Variants in EHMT2 observed in about 807,000 individuals in gnomAD.
EHMT2 encodes the protein euchromatic histone lysine methyltransferase 2, also known as histone-lysine N-methyltransferase EHMT2.
Under a neutral mutation model 143.3 loss-of-function variants are expected in EHMT2, and 59 were observed. That is an observed-to-expected ratio of 0.41 (90% CI 0.33 to 0.51). The LOEUF (loss-of-function observed/expected upper bound fraction) is 0.51. Ranked by LOEUF, EHMT2 falls within the 20% of genes least tolerant of loss-of-function variation. EHMT2 has a pLI of 0.18. For synonymous variants in EHMT2, 604 were observed against 651.5 expected (o/e 0.93, Z 1.11); for missense variants, 1,174 against 1,645.9 (o/e 0.71, Z 4.96).
In EHMT2 at chr6:31,881,228, G is replaced by A. The variant is rs1764062308; in HGVS notation, c.3198-136C>T. 2 of 771,418 alleles carry A rather than the reference G, an allele frequency of 2.6e-6. No homozygotes were observed. The highest frequency in any genetic ancestry group is 4.5e-6 in the Non-Finnish European group (2 of 443,118). 47.8% of individuals were successfully genotyped at this position (771,418 alleles called of 1,614,324 possible). A position where few individuals can be genotyped will look rare whatever the true frequency, so the allele number is the denominator to read the frequency against. ...AGGTGTGGGGAAGGGAAGGCCTGGA[G>A]CAGCAGTGGTGGGCAAGTGAAAGGG... On this transcript the variant is annotated intron_variant, in intron 25 of 27. Transcript: ENST00000375537. The surrounding 1 kb of genome is among the most constrained non-coding windows in gnomAD (Gnocchi z 4.8).
rs368743026 is a variant in EHMT2, at chr6:31,880,513, T to A, written c.3452+160A>T. 2.4e-5 allele frequency: 22 copies of A among 902,586 alleles called. No homozygotes were observed. Among genetic ancestry groups the A allele is most frequent in the African/African-American group, 2.2e-4 (13 of 59,434 alleles). 55.9% of individuals were successfully genotyped at this position (902,586 alleles called of 1,614,324 possible). On this transcript the variant is annotated intron_variant, in intron 27 of 27. Coordinates refer to ENST00000375537, the Ensembl canonical transcript of EHMT2. The surrounding 1 kb of genome is among the most constrained non-coding windows in gnomAD (Gnocchi z 6.6). ...AAAATCTCTCTGGGAGGCACAGGAC[T>A]GTTTCCCCAAGTCCTCCAGGAAATA... is the stretch of plus-strand genomic sequence containing the variant.
intron 4 of EHMT2, 108 bp downstream of exon 4, chr6:31,896,155 T>C: frequency 6.8e-7 from 1 of 1,471,224 alleles, no homozygotes; most frequent in Non-Finnish European, 9.1e-7. Flanking sequence ...CAGCAGCCCC[T>C]TGCTTAAATA....
chr6:31,887,995 A>C, intron 13 of EHMT2, 34 bp from the exon 14 acceptor site: 3 of 1,420,446 alleles, frequency 2.1e-6, no homozygotes, highest in Non-Finnish European at 2.9e-6. Context: ...CAGGAGCAAT[A>C]GGGGTGGGGG....
intron 4 of EHMT2, among the ~76,000 whole-genome samples, chr6:31,895,149 G>A (rs1037701177): frequency 2.0e-5 from 3 of 152,338 alleles, no homozygotes; most frequent in African/African-American, 4.8e-5. Context: ...CAGGCTCAGC[G>A]AGAAGTCAGC....
Position 31,885,252 on chromosome 6 carries a change from C to A in EHMT2, c.2344-236G>T, listed in dbSNP as rs527726505. On this transcript the variant is annotated intron_variant, in intron 18 of 27. Coordinates refer to ENST00000375537, the Ensembl canonical transcript of EHMT2. ...CAGCACTTTGGGAGGCCGAGGCGGG[C>A]GGATCACGAGGTCAGGAGATGGAGG... 341 of 448,600 alleles carry A rather than the reference C, an allele frequency of 7.6e-4. 4 individuals are homozygous for A. Among genetic ancestry groups the A allele is most frequent in the African/African-American group, 5.9e-3 (293 of 49,942 alleles). The allele number at this position is 448,600 out of a possible 1,614,324, so 27.8% of individuals were successfully genotyped here.
chr6:31,887,848 G>A, exon 14 of EHMT2: 1 of 1,610,932 alleles, frequency 6.2e-7, no homozygotes, highest in Non-Finnish European at 8.5e-7. Context: ...CAGCCCCACG[G>A]CTGAAAGGCA....
chr6:31,890,040 G>A (rs1287473214), intron 7 of EHMT2, among the ~76,000 whole-genome samples: 1 of 152,108 alleles, frequency 6.6e-6, no homozygotes. Flanking sequence ...CAGATTAGAT[G>A]TTCCATGCAT....
At chr6:31,892,965 G>A in intron 4 of EHMT2, 55 bp from the exon 5 acceptor site, 1 of 1,288,876 alleles carries the variant, frequency 7.8e-7, no homozygotes, top group Non-Finnish European at 1.1e-6. Context: ...AGTTTTGCCT[G>A]GGTTAGCCTG....
intron 18 of EHMT2, chr6:31,886,251 C>T: frequency 3.0e-6 from 1 of 329,160 alleles, no homozygotes. Context: ...GGGGCTTCTT[C>T]TGGACAATGA....
rs1164115036 is a variant in EHMT2 at position 31,889,314 on chromosome 6, T to C, written c.1028A>G (p.Lys343Arg). The C allele has an allele frequency of 5.6e-6, 9 of 1,612,204 alleles. No individual in the cohort carries two copies. In the Admixed American group the frequency reaches 6.7e-5, roughly 12 times the overall value. The change falls in exon 9 of 28, where the codon AAG becomes AGG. Residue 343 changes from lysine to arginine, a missense_variant. Coordinates refer to ENST00000375537, the Ensembl canonical transcript of EHMT2. This position sits in a 1 kb window ranked among gnomAD's most constrained non-coding sequence, Gnocchi z 5.1. ...TGGGCTGTCTTTTCGCCATTTCTTC[T>C]TGGCCTTGCGCCGGCCACTGGAACC... is the stretch of plus-strand genomic sequence containing the variant.
At position 31,881,961 on chromosome 6, in the gene EHMT2, C is replaced by T. The variant is rs373805645; in HGVS notation, c.3197+738G>A. On this transcript the variant is annotated intron_variant, in intron 25 of 27. Transcript: ENST00000375537. This position sits in a 1 kb window ranked among gnomAD's most constrained non-coding sequence, Gnocchi z 4.8. The stretch of plus-strand genomic sequence containing the variant: ...TCTACTAAAAATACAAAAAATTAGC[C>T]GGGTGTGGTGGTGCGCACCTGTAAT... Among the ~76,000 whole-genome samples, 7 of 151,800 alleles carry T rather than the reference C, an allele frequency of 4.6e-5. No homozygotes were observed. The highest frequency in any genetic ancestry group is 3.3e-4 in the Admixed American group (5 of 15,236).
intron 7 of EHMT2, among the ~76,000 whole-genome samples, chr6:31,890,429 G>A (rs908264515): frequency 2.6e-5 from 4 of 151,732 alleles, no homozygotes; most frequent in Non-Finnish European, 4.4e-5. Flanking sequence ...GCTAATTTTC[G>A]TATTTTTATT....
Position 31,896,843 on chromosome 6 carries a change from A to G in EHMT2, c.110-19T>C, listed in dbSNP as rs775882332. The stretch of plus-strand genomic sequence containing the variant: ...CCATGAACTGTAGAGGAAGAGAAAA[A>G]GTTCAGAGCTAAGGGCTCAGGAGAT... On this transcript the variant is annotated intron_variant, in intron 2 of 27. Coordinates refer to ENST00000375537, the Ensembl canonical transcript of EHMT2. 6.2e-7 allele frequency: 1 copy of G among 1,612,626 alleles called. No homozygotes were observed. Among genetic ancestry groups the G allele is most frequent in the Non-Finnish European group, 8.5e-7 (1 of 1,179,968 alleles).
At chr6:31,892,528 T>C in exon 7 of EHMT2, 1 of 1,612,796 alleles carries the variant, frequency 6.2e-7, no homozygotes, top group Non-Finnish European at 8.5e-7. Context: ...CAGGGTCACT[T>C]CTCCTGAACG....
At position 31,888,838 on chromosome 6, in the gene EHMT2, CCCG is replaced by C. The variant is rs1765276411; in HGVS notation, c.1217-94_1217-92del. The C allele has an allele frequency of 6.5e-7, 1 of 1,529,296 alleles. No homozygotes were observed. The highest frequency in any genetic ancestry group is 1.4e-5 in the African/African-American group (1 of 73,262). 94.7% of individuals were successfully genotyped at this position (1,529,296 alleles called of 1,614,324 possible). Reference sequence around the variant, plus strand: ...TCCTCTCACTCCCTCCCTACCCCACCCCGCCATGCCCCAGAACCCCTAAAGCCT... The same window carrying C: ...TCCTCTCACTCCCTCCCTACCCCACCCCATGCCCCAGAACCCCTAAAGCCT... On this transcript the variant is annotated intron_variant, in intron 10 of 27. Transcript: ENST00000375537. The surrounding 1 kb of genome is among the most constrained non-coding windows in gnomAD (Gnocchi z 7.4).
At position 31,884,878 on chromosome 6, in the gene EHMT2, G is replaced by C. The variant is rs1248676675; in HGVS notation, c.2448+34C>G. ...CAGCCTCCACCTTGCTCAGGGGCCT[G>C]GGGCTGCCCTACCTCAACCAAACGC... On this transcript the variant is annotated intron_variant, in intron 19 of 27. Transcript: ENST00000375537. This position sits in a 1 kb window ranked among gnomAD's most constrained non-coding sequence, Gnocchi z 7.3. The C allele has an allele frequency of 6.3e-7, 1 of 1,587,910 alleles. No homozygotes were observed. The highest frequency in any genetic ancestry group is 1.1e-5 in the South Asian group (1 of 89,644).
intron 7 of EHMT2, among the ~76,000 whole-genome samples, chr6:31,891,476 C>G (rs1259313073): frequency 6.6e-6 from 1 of 152,108 alleles, no homozygotes; most frequent in Non-Finnish European, 1.5e-5. Flanking sequence ...GATATGAGGT[C>G]TGGGATTTGC....
At position 31,897,300 on chromosome 6, in the gene EHMT2, C is replaced by A. The variant is rs1460336227; in HGVS notation, c.43-311G>T. The A allele has an allele frequency of 1.0e-5, 7 of 694,854 alleles. No homozygotes were observed. The East Asian group carries it at 2.4e-4, about 24-fold the overall frequency. 43.0% of individuals were successfully genotyped at this position (694,854 alleles called of 1,614,324 possible). A position where few individuals can be genotyped will look rare whatever the true frequency, so the allele number is the denominator to read the frequency against. On this transcript the variant is annotated intron_variant, in intron 1 of 27. Transcript: ENST00000375537. ...TGCACGCGCCGCTCCCCCTTTGTCCCCCAGGCCGCGGGGACCCCGGGCACC... is the reference window on the plus strand; with the variant it reads ...TGCACGCGCCGCTCCCCCTTTGTCCACCAGGCCGCGGGGACCCCGGGCACC...
In EHMT2 at chr6:31,884,450, G is replaced by T; in HGVS notation, c.2713C>A (p.Arg905Ser). 3 of 1,612,914 alleles carry T rather than the reference G, an allele frequency of 1.9e-6. No homozygotes were observed. Among genetic ancestry groups the T allele is most frequent in the Non-Finnish European group, 1.7e-6 (2 of 1,180,014 alleles). ...TTTCCCACCCCAAGTCGGAGCTTGC[G>T]GTTGAGTTGAAGCGCAAACCACACG... Residue 905 changes from arginine to serine, a missense_variant, in exon 21 of 28, where the codon CGC becomes AGC. Physicochemically the swap from Arg to Ser is moderately radical, Grantham distance 110. Coordinates refer to ENST00000375537, the Ensembl canonical transcript of EHMT2. This position sits in a 1 kb window ranked among gnomAD's most constrained non-coding sequence, Gnocchi z 7.3.
Sources: allele counts gnomAD v4.1 joint callset (sites outside exome capture counted in the v4.1 genomes callset), GRCh38; gene constraint gnomAD v4.1.1; non-coding constraint Gnocchi (gnomAD v3.1); transcripts MANE v1.5; gene names NCBI Gene and HGNC (gene_info 2026-07-23, HGNC 2026-07-21).